CWC27: variants seen among roughly 807,000 people sequenced by gnomAD.
The protein encoded by CWC27 is spliceosome-associated protein CWC27 homolog.
Under a neutral mutation model 63.6 loss-of-function variants are expected in CWC27, and 47 were observed. The ratio of observed to expected loss-of-function variants is 0.74; its 90% CI spans 0.58 to 0.94. CWC27 has a LOEUF of 0.94. Among genes scored for constraint, CWC27 ranks in the 40% least tolerant of loss-of-function variants. CWC27 has a pLI of 0.00. For missense variants in CWC27, 495 were observed against 554.3 expected (o/e 0.89, Z 1.07); for synonymous variants, 175 against 179.8 (o/e 0.97, Z 0.22).
At chr5:64,915,307 A>G (rs1231610390) in intron 11 of CWC27, among the ~76,000 whole-genome samples, 3 of 152,206 alleles carry the variant, frequency 2.0e-5, no homozygotes, top group Admixed American at 2.0e-4. Flanking sequence ...CTTAAGTGAT[A>G]AAATTATATA....
chr5:64,962,742 A>G (rs993663556), intron 11 of CWC27, among the ~76,000 whole-genome samples: 10 of 152,158 alleles, frequency 6.6e-5, no homozygotes, highest in African/African-American at 9.7e-5. Flanking sequence ...GTAGAAACCA[A>G]TGCAAAACCT....
At chr5:64,933,355 A>T (rs1561161475) in intron 11 of CWC27, among the ~76,000 whole-genome samples, 2 of 152,214 alleles carry the variant, frequency 1.3e-5, no homozygotes, top group African/African-American at 4.8e-5. Flanking sequence ...TTTTGAAAAA[A>T]GTTTTAAACT....
chr5:64,926,149 A>G (rs532265240), intron 11 of CWC27, among the ~76,000 whole-genome samples: 231 of 152,240 alleles, frequency 1.5e-3, no homozygotes, highest in African/African-American at 5.2e-3. Flanking sequence ...CCTTGTATTA[A>G]TCTTCTGCAT....
At chr5:64,970,958 A>AGT (rs57958257) in intron 11 of CWC27, among the ~76,000 whole-genome samples, 29,646 of 143,216 alleles carry the variant, frequency 0.21, 3,431 homozygotes, top group East Asian at 0.44. Flanking sequence ...AGAGAGAGGG[A>AGT]GTGTGTGTGT....
At chr5:64,947,492 A>G (rs1189795967) in intron 11 of CWC27, among the ~76,000 whole-genome samples, 1 of 152,116 alleles carries the variant, frequency 6.6e-6, no homozygotes, top group African/African-American at 2.4e-5. Flanking sequence ...AAAATGGTTA[A>G]TAATTAAGCT....
At chr5:64,818,494 G>T (rs1745107240) in intron 10 of CWC27, among the ~76,000 whole-genome samples, 1 of 152,016 alleles carries the variant, frequency 6.6e-6, no homozygotes, top group Non-Finnish European at 1.5e-5. Context: ...TTAAAGACAG[G>T]CTTTGTTTAA....
chr5:64,800,167 G>A, intron 7 of CWC27, 81 bp from the exon 8 acceptor site: 2 of 970,206 alleles, frequency 2.1e-6, no homozygotes, highest in Admixed American at 4.0e-5. Context: ...TCATTGCTAG[G>A]TTTTATGTAA....
At chr5:64,895,885 CA>C (rs1389180468) in intron 11 of CWC27, among the ~76,000 whole-genome samples, 1 of 151,920 alleles carries the variant, frequency 6.6e-6, no homozygotes, top group African/African-American at 2.4e-5. Context: ...GAACTCAGCC[CA>C]AAAACAGATT....
intron 12 of CWC27, chr5:64,972,725 G>T (rs940389604): frequency 7.6e-5 from 34 of 448,710 alleles, no homozygotes; most frequent in Non-Finnish European, 1.0e-4. Context: ...TATACTACCA[G>T]AGATACTAAG....
chr5:64,888,508 A>G (rs1346110295), intron 11 of CWC27, among the ~76,000 whole-genome samples: 7 of 132,088 alleles, frequency 5.3e-5, no homozygotes, highest in Admixed American at 3.6e-4. Flanking sequence ...TACAAATAGC[A>G]TATATTATTA....
At chr5:64,817,525 T>C (rs1241027951) in intron 10 of CWC27, among the ~76,000 whole-genome samples, 1 of 152,156 alleles carries the variant, frequency 6.6e-6, no homozygotes, top group East Asian at 1.9e-4. Context: ...CACTGTAGTG[T>C]TTATCAACAT....
rs774036069 is a variant in CWC27 at position 64,916,928 on chromosome 5, T to TAGC, written c.1042+31385_1042+31387dup. Among the ~76,000 whole-genome samples, 79 of 148,940 alleles carry TAGC rather than the reference T, an allele frequency of 5.3e-4. 1 individual carries two copies. The highest frequency in any genetic ancestry group is 1.9e-3 in the African/African-American group (77 of 40,602). ...GTAGTAGTAGTAGTAGTAGTAGTAG[T>TAGC]AGCAGTGGTAGTAGACGACTTGTAC... On this transcript the variant is annotated intron_variant, in intron 11 of 13. Transcript: ENST00000381070.
intron 7 of CWC27, among the ~76,000 whole-genome samples, chr5:64,798,975 C>T (rs1160735434): frequency 6.6e-6 from 1 of 152,188 alleles, no homozygotes; most frequent in Admixed American, 6.5e-5. Flanking sequence ...GTGTCCCACC[C>T]TGCAGTAGGG....
intron 10 of CWC27, among the ~76,000 whole-genome samples, chr5:64,879,075 A>G (rs967047479): frequency 3.3e-5 from 5 of 151,956 alleles, no homozygotes; most frequent in African/African-American, 1.2e-4. Context: ...GATTGCTGTC[A>G]CTAACCATAG....
chr5:64,984,156 T>C (rs542059831), intron 13 of CWC27, among the ~76,000 whole-genome samples: 1 of 152,298 alleles, frequency 6.6e-6, no homozygotes, highest in East Asian at 1.9e-4. Flanking sequence ...ATTCTTATAT[T>C]TGTGCCTAGC....
rs1743134977 is a variant in CWC27 at position 64,768,962 on chromosome 5, C to T, written c.-185C>T. The T allele has an allele frequency of 1.0e-5, 6 of 590,502 alleles. No individual in the cohort carries two copies. The Admixed American group carries it at 1.8e-4, about 17-fold the overall frequency. 36.6% of individuals were successfully genotyped at this position (590,502 alleles called of 1,614,324 possible). A position where few individuals can be genotyped will look rare whatever the true frequency, so the allele number is the denominator to read the frequency against. ...CTCGGGTCCGGTAACAACATGGCGG[C>T]GTCCGTGAGGGGCTCCTTTGGGCAG... On this transcript the variant is annotated 5_prime_UTR_variant, in exon 1 of 14. Coordinates refer to ENST00000381070, the MANE Select transcript of CWC27 (RefSeq NM_005869.4).
At chr5:64,827,346 T>C (rs1745391451) in intron 10 of CWC27, among the ~76,000 whole-genome samples, 2 of 152,194 alleles carry the variant, frequency 1.3e-5, no homozygotes, top group South Asian at 2.1e-4. Context: ...TTATCCCATG[T>C]CATAAGCTTT....
chr5:64,780,597 T>C (rs370173082), intron 2 of CWC27, among the ~76,000 whole-genome samples: 4 of 148,226 alleles, frequency 2.7e-5, no homozygotes, highest in South Asian at 4.2e-4. Flanking sequence ...TAATTACTTA[T>C]ATATTATATA....
chr5:64,819,263 C>T (rs1040657723), intron 10 of CWC27, among the ~76,000 whole-genome samples: 4 of 152,098 alleles, frequency 2.6e-5, no homozygotes, highest in Admixed American at 6.6e-5. Context: ...GGACATCATA[C>T]TGGACTTAAT....
Sources: gnomAD v4.1 joint callset for allele counts (sites outside exome capture counted in the v4.1 genomes callset) on GRCh38, gnomAD v4.1.1 for gene constraint, MANE v1.5 for transcripts, NCBI Gene and HGNC (gene_info 2026-07-23, HGNC 2026-07-21) for gene names.